The following AGMO variants were observed in gnomAD, a reference collection of about 807,000 sequenced individuals.
The protein encoded by AGMO is glyceryl-ether monooxygenase.
In AGMO, 75 loss-of-function variants were observed where a neutral mutation model predicts 60.2. That is an observed-to-expected ratio of 1.25 (90% CI 1.03 to 1.51). AGMO has a LOEUF of 1.51. Ranked by LOEUF, AGMO falls within the 40% of genes most tolerant of loss-of-function variation. The probability of loss-of-function intolerance (pLI) is 0.00; values close to 1 mark genes in which losing one functional copy is unlikely to be tolerated. For missense variants in AGMO, 763 were observed against 525.5 expected (o/e 1.45, Z -4.42); for synonymous variants, 261 against 177.1 (o/e 1.47, Z -3.76).
intron 12 of AGMO, among the ~76,000 whole-genome samples, chr7:15,275,411 A>G (rs1481935438): frequency 6.6e-6 from 1 of 152,132 alleles, no homozygotes; most frequent in African/African-American, 2.4e-5. Context: ...GACATTTGAT[A>G]TAATTTCAGT....
rs1562477033 is a variant in AGMO, at chr7:15,385,491, A to C, written c.1029T>G (p.Phe343Leu). 3.1e-6 allele frequency: 5 copies of C among 1,613,060 alleles called. No individual in the cohort carries two copies. The highest frequency in any genetic ancestry group is 4.2e-6 in the Non-Finnish European group (5 of 1,179,278). ...QLLKIYTVVQ[F>L]ALMLAFYEET... ...CTTCATAAAATGCCAACATCAGAGCAAACTGTACAACTGTATATATCTTTA... is the reference window on the plus strand; with the variant it reads ...CTTCATAAAATGCCAACATCAGAGCCAACTGTACAACTGTATATATCTTTA... The change falls in exon 10 of 13, where the codon TTT (phenylalanine) becomes TTG (leucine). Residue 343 changes from phenylalanine to leucine, a missense_variant. Phe to Leu is a conservative substitution (Grantham distance 22). Transcript: ENST00000342526.
intron 12 of AGMO, among the ~76,000 whole-genome samples, chr7:15,291,527 T>C (rs1784264217): frequency 6.6e-6 from 1 of 152,174 alleles, no homozygotes; most frequent in Admixed American, 6.5e-5. Context: ...AGAAAGAAAC[T>C]CTTTAGAACC....
chr7:15,120,650 C>T, the AGMO span, among the ~76,000 whole-genome samples: 18 of 152,096 alleles, frequency 1.2e-4, no homozygotes, highest in Non-Finnish European at 2.4e-4. Flanking sequence ...GCATCTTAAA[C>T]TTGGACTCCC....
the AGMO span, among the ~76,000 whole-genome samples, chr7:15,161,500 A>G: frequency 7.1e-6 from 1 of 140,366 alleles, no homozygotes; most frequent in Non-Finnish European, 1.6e-5. Context: ...AAATACACAC[A>G]TATGTCATAT....
At chr7:15,313,259 C>T (rs1241704341) in intron 12 of AGMO, among the ~76,000 whole-genome samples, 1 of 152,188 alleles carries the variant, frequency 6.6e-6, no homozygotes, top group Non-Finnish European at 1.5e-5. Context: ...CCATCATTGA[C>T]TTTCTATTAA....
chr7:15,354,413 TGTGTGTATAC>T (rs1782406088), intron 12 of AGMO, among the ~76,000 whole-genome samples: 3 of 27,528 alleles, frequency 1.1e-4, no homozygotes, highest in African/African-American at 4.9e-4. Context: ...TGTACACACG[TGTGTGTATAC>T]ACACACGTGT....
chr7:15,377,715 G>A (rs1163981866), intron 10 of AGMO, among the ~76,000 whole-genome samples: 1 of 151,990 alleles, frequency 6.6e-6, no homozygotes, highest in Non-Finnish European at 1.5e-5. Flanking sequence ...CTTTTCTTTT[G>A]GTCTCATTCA....
intron 3 of AGMO, among the ~76,000 whole-genome samples, chr7:15,459,048 CT>C (rs1394545514): frequency 6.6e-6 from 1 of 152,124 alleles, no homozygotes; most frequent in African/African-American, 2.4e-5. Context: ...ATTTGATAAT[CT>C]GCAATACTGC....
chr7:15,142,831 T>C, the AGMO span, among the ~76,000 whole-genome samples: 13 of 152,176 alleles, frequency 8.5e-5, no homozygotes, highest in Admixed American at 8.5e-4. Context: ...ATATACTTAA[T>C]ATTTATTGAA....
chr7:15,462,751 T>G (rs1302427433), intron 3 of AGMO, among the ~76,000 whole-genome samples: 1 of 152,196 alleles, frequency 6.6e-6, no homozygotes, highest in African/African-American at 2.4e-5. Flanking sequence ...AAACTTCATA[T>G]ATGCAATCAA....
chr7:15,397,447 C>T (rs975041114), intron 5 of AGMO, among the ~76,000 whole-genome samples: 1 of 152,110 alleles, frequency 6.6e-6, no homozygotes, highest in South Asian at 2.1e-4. Flanking sequence ...CCACAGAGGG[C>T]CCCCCACAGC....
At chr7:15,313,282 C>G (rs755587569) in intron 12 of AGMO, among the ~76,000 whole-genome samples, 18 of 152,176 alleles carry the variant, frequency 1.2e-4, no homozygotes, top group Non-Finnish European at 2.2e-4. Flanking sequence ...ATATTCCACA[C>G]ACGATGCTAA....
chr7:15,460,999 G>T (rs1019337309), intron 3 of AGMO, among the ~76,000 whole-genome samples: 2 of 152,088 alleles, frequency 1.3e-5, no homozygotes, highest in African/African-American at 2.4e-5. Flanking sequence ...GGCATTTGTT[G>T]TGGGCCTACT....
At chr7:15,293,813 A>G (rs1277911578) in intron 12 of AGMO, among the ~76,000 whole-genome samples, 1 of 152,184 alleles carries the variant, frequency 6.6e-6, no homozygotes, top group Non-Finnish European at 1.5e-5. Context: ...CATTGTCTTC[A>G]TCATCCCCAA....
At chr7:15,142,981 C>A in the AGMO span, among the ~76,000 whole-genome samples, 3 of 152,112 alleles carry the variant, frequency 2.0e-5, no homozygotes, top group Non-Finnish European at 4.4e-5. Context: ...TAAATCATAG[C>A]TCTTGATCTC....
rs79328320 is a variant in AGMO, at chr7:15,346,384, G to T, written c.1263+19130C>A. 4.3e-3 allele frequency among the ~76,000 whole-genome samples: 655 copies of T among 152,000 alleles called. 4 individuals are homozygous for T. Among genetic ancestry groups the T allele is most frequent in the African/African-American group, 0.015 (603 of 41,502 alleles). On this transcript the variant is annotated intron_variant, in intron 12 of 12. Coordinates refer to ENST00000342526, the MANE Select transcript of AGMO (RefSeq NM_001004320.2). ...TAAATAACTTGGGCTTTGTAGATTT[G>T]TTTTTTCATGACACCTACTTCCAAC... is the stretch of plus-strand genomic sequence containing the variant.
Position 15,543,803 on chromosome 7 carries a change from T to C in AGMO, c.409+969A>G, listed in dbSNP as rs188309968. Among the ~76,000 whole-genome samples, 5 of 151,920 alleles carry C rather than the reference T, an allele frequency of 3.3e-5. No individual in the cohort carries two copies. In the East Asian group the frequency reaches 7.9e-4, roughly 24 times the overall value. On this transcript the variant is annotated intron_variant, in intron 3 of 12. Coordinates refer to ENST00000342526, the MANE Select transcript of AGMO (RefSeq NM_001004320.2). ...CGTAAAGAAGGAAAAGTAGATCCAC[T>C]ACTGTTTGATCTGGCAATTCCAGTG... is the stretch of plus-strand genomic sequence containing the variant.
At chr7:15,554,076 A>G (rs1445567205) in intron 2 of AGMO, among the ~76,000 whole-genome samples, 3 of 152,158 alleles carry the variant, frequency 2.0e-5, no homozygotes, top group African/African-American at 7.2e-5. Context: ...CACCTAACCA[A>G]TACAGCTGGG....
At chr7:15,546,160 TTAAAA>T in intron 2 of AGMO, among the ~76,000 whole-genome samples, 1 of 152,306 alleles carries the variant, frequency 6.6e-6, no homozygotes, top group South Asian at 2.1e-4. Context: ...TTTAATATCT[TTAAAA>T]TAACCTCTCA....
Sources: gnomAD v4.1 joint callset for allele counts (sites outside exome capture counted in the v4.1 genomes callset) on GRCh38, gnomAD v4.1.1 for gene constraint, MANE v1.5 for transcripts, NCBI Gene and HGNC (gene_info 2026-07-23, HGNC 2026-07-21) for gene names.